The following SGCD variants were observed in gnomAD, a reference collection of about 807,000 sequenced individuals.
The protein encoded by SGCD is sarcoglycan delta.
A neutral mutation model predicts 36.6 loss-of-function variants in SGCD; 18 were observed. That is an observed-to-expected ratio of 0.49 (90% confidence interval 0.34 to 0.73). The LOEUF (loss-of-function observed/expected upper bound fraction) is 0.73. Among genes scored for constraint, SGCD ranks in the 30% least tolerant of loss-of-function variants. The pLI, the probability that SGCD is intolerant of heterozygous loss-of-function variation, is 0.01. For synonymous variants in SGCD, 133 were observed against 130.6 expected (o/e 1.02, Z -0.12); for missense variants, 387 against 346.7 (o/e 1.12, Z -0.92).
At chr5:156,208,049 TA>T (rs1425100014) in intron 3 of SGCD, among the ~76,000 whole-genome samples, 25 of 152,046 alleles carry the variant, frequency 1.6e-4, no homozygotes, top group African/African-American at 4.6e-4. Flanking sequence ...CTGTGAGAGA[TA>T]AAATATAAAT....
At chr5:156,602,087 C>A (rs1427420474) in intron 6 of SGCD, among the ~76,000 whole-genome samples, 2 of 152,138 alleles carry the variant, frequency 1.3e-5, no homozygotes, top group Non-Finnish European at 2.9e-5. Context: ...AACATGGAGT[C>A]TCTCTTCACT....
the SGCD span, among the ~76,000 whole-genome samples, chr5:155,791,359 G>A: frequency 5.3e-5 from 8 of 152,036 alleles, no homozygotes; most frequent in Non-Finnish European, 8.8e-5. Flanking sequence ...AACAAAACAA[G>A]GATGCTTACT....
intron 3 of SGCD, among the ~76,000 whole-genome samples, chr5:156,503,452 TTCTA>T (rs899889613): frequency 1.3e-5 from 2 of 152,154 alleles, no homozygotes; most frequent in African/African-American, 4.8e-5. Context: ...TTAAGGATGG[TTCTA>T]TCTATTAATA....
intron 7 of SGCD, among the ~76,000 whole-genome samples, chr5:156,735,589 TCTCCAAACAGTAAAGATGACAGCCTGCCC>T (rs1756314468): frequency 6.6e-6 from 1 of 151,620 alleles, no homozygotes; most frequent in South Asian, 2.1e-4. Context: ...CAGATTGGAC[TCTCCAAACAGTAAAGATGACAGCCTGCCC>T]CTCCCCTCAG....
rs117118097 is a variant in SGCD, at chr5:155,921,160, A to G, written c.-282+50736A>G. Among the ~76,000 whole-genome samples the G allele has an allele frequency of 7.1e-4, 108 of 152,260 alleles. 1 individual carries two copies. In the East Asian group the frequency reaches 0.017, roughly 25 times the overall value. On this transcript the variant is annotated intron_variant, in intron 1 of 9. Coordinates refer to the SGCD transcript ENST00000517913. ...AAAGCCAAGGAGGGAGAGCATATTA[A>G]CAGTGTCCAGTGTTGCAGAAAGGCC...
chr5:156,268,364 C>T (rs2127668325), intron 3 of SGCD, among the ~76,000 whole-genome samples: 1 of 152,168 alleles, frequency 6.6e-6, no homozygotes, highest in Non-Finnish European at 1.5e-5. Context: ...AATGATAGTT[C>T]TGTTTTTAGC....
intron 1 of SGCD, among the ~76,000 whole-genome samples, chr5:155,946,059 G>A (rs1757430796): frequency 6.6e-6 from 1 of 152,146 alleles, no homozygotes; most frequent in African/African-American, 2.4e-5. Context: ...CATGCAGTTG[G>A]AAGGTGTCAA....
intron 3 of SGCD, among the ~76,000 whole-genome samples, chr5:156,350,622 A>G (rs1233994888): frequency 6.6e-6 from 1 of 152,106 alleles, no homozygotes; most frequent in African/African-American, 2.4e-5. Flanking sequence ...CTCTTAGCAG[A>G]ATATTCCAGT....
intron 1 of SGCD, among the ~76,000 whole-genome samples, chr5:156,082,480 C>G (rs1194256328): frequency 6.6e-6 from 1 of 152,176 alleles, no homozygotes; most frequent in Non-Finnish European, 1.5e-5. Context: ...TCAAATCATA[C>G]AGTATTTAAT....
At chr5:156,119,631 C>T (rs542987006) in intron 2 of SGCD, among the ~76,000 whole-genome samples, 1 of 152,204 alleles carries the variant, frequency 6.6e-6, no homozygotes, top group East Asian at 1.9e-4. Context: ...CATAGTTCAT[C>T]CTTTCCCCCA....
Position 156,657,420 on chromosome 5 carries a change from C to T in SGCD, c.575+9884C>T, listed in dbSNP as rs551330886. Among the ~76,000 whole-genome samples the T allele has an allele frequency of 2.1e-3, 297 of 141,006 alleles. 2 individuals are homozygous for T. Among genetic ancestry groups the T allele is most frequent in the African/African-American group, 6.9e-3 (259 of 37,792 alleles). The allele number at this position is 141,006 out of a possible 152,430, so 92.5% of individuals were successfully genotyped here. A position where few individuals can be genotyped will look rare whatever the true frequency, so the allele number is the denominator to read the frequency against. Reference sequence around the variant, plus strand: ...CCTCCCCCCACCCCACAGTAGTCCCCGGAGTGTGATGTTCCCCTTCCTGTG... The same window carrying T: ...CCTCCCCCCACCCCACAGTAGTCCCTGGAGTGTGATGTTCCCCTTCCTGTG... On this transcript the variant is annotated intron_variant, in intron 7 of 8. Transcript: ENST00000337851.
chr5:156,149,982 C>T (rs1167420977), intron 3 of SGCD, among the ~76,000 whole-genome samples: 1 of 152,174 alleles, frequency 6.6e-6, no homozygotes, highest in East Asian at 1.9e-4. Context: ...TCCCTGCAGC[C>T]ATCCTTGTTC....
chr5:156,015,793 CACAA>C (rs982212625), intron 1 of SGCD, among the ~76,000 whole-genome samples: 8 of 148,830 alleles, frequency 5.4e-5, no homozygotes, highest in African/African-American at 2.0e-4. Context: ...CCAATGAACA[CACAA>C]ACACACACAC....
chr5:156,442,473 A>G (rs1288518621), intron 3 of SGCD, among the ~76,000 whole-genome samples: 1 of 152,168 alleles, frequency 6.6e-6, no homozygotes, highest in African/African-American at 2.4e-5. Flanking sequence ...AAATTATTTC[A>G]TTTTTAAAAA....
chr5:156,269,125 C>A (rs1368687642), intron 3 of SGCD, among the ~76,000 whole-genome samples: 1 of 151,890 alleles, frequency 6.6e-6, no homozygotes, highest in Admixed American at 6.6e-5. Context: ...TACATGGCAA[C>A]AGCAAAAGAA....
intron 1 of SGCD, among the ~76,000 whole-genome samples, chr5:156,071,589 G>GA (rs1212604585): frequency 4.6e-5 from 7 of 152,130 alleles, no homozygotes; most frequent in Non-Finnish European, 5.9e-5. Context: ...GTGTGTTGCT[G>GA]AAAAAAATGT....
intron 7 of SGCD, among the ~76,000 whole-genome samples, chr5:156,744,654 T>C (rs1427967644): frequency 6.6e-6 from 1 of 152,204 alleles, no homozygotes; most frequent in African/African-American, 2.4e-5. Context: ...ATTCCTATAA[T>C]AAACGAAATT....
At chr5:156,565,180 A>G (rs953933021) in intron 4 of SGCD, among the ~76,000 whole-genome samples, 1 of 152,098 alleles carries the variant, frequency 6.6e-6, no homozygotes, top group Non-Finnish European at 1.5e-5. Context: ...ATAATGTTTC[A>G]TTTGTCTTAA....
intron 3 of SGCD, among the ~76,000 whole-genome samples, chr5:156,425,260 G>A (rs1006680163): frequency 2.0e-5 from 3 of 151,920 alleles, no homozygotes; most frequent in African/African-American, 7.3e-5. Flanking sequence ...ACTTACCCCA[G>A]GTCACAGTTC....
Sources: allele counts gnomAD v4.1 joint callset (sites outside exome capture counted in the v4.1 genomes callset), GRCh38; gene constraint gnomAD v4.1.1; transcripts MANE v1.5; gene names NCBI Gene and HGNC (gene_info 2026-07-23, HGNC 2026-07-21).